Variants in SCD5 observed in about 807,000 individuals in gnomAD.
SCD5 encodes stearoyl-CoA desaturase 5.
A neutral mutation model predicts 30.4 loss-of-function variants in SCD5; 20 were observed. That is an observed-to-expected ratio of 0.66 (90% CI 0.46 to 0.96). SCD5 has a LOEUF of 0.96. Among genes scored for constraint, SCD5 ranks in the 40% least tolerant of loss-of-function variants. SCD5 has a pLI of 0.00. For missense variants in SCD5, 381 were observed against 443.3 expected (o/e 0.86, Z 1.26); for synonymous variants, 173 against 176.4 (o/e 0.98, Z 0.16).
chr4:82,742,078 CAAAA>C (rs11366931), intron 1 of SCD5, among the ~76,000 whole-genome samples: 2 of 92,396 alleles, frequency 2.2e-5, no homozygotes, highest in Non-Finnish European at 5.0e-5. Flanking sequence ...GAGTCCGTCT[CAAAA>C]AAAAAAAAAA....
intron 1 of SCD5, among the ~76,000 whole-genome samples, chr4:82,728,370 T>C (rs1424539796): frequency 6.6e-6 from 1 of 152,152 alleles, no homozygotes; most frequent in Non-Finnish European, 1.5e-5. Context: ...ATTGCCTTTG[T>C]AAAACTAGTG....
At chr4:82,675,938 A>C (rs1279167332) in intron 3 of SCD5, among the ~76,000 whole-genome samples, 1 of 152,226 alleles carries the variant, frequency 6.6e-6, no homozygotes, top group Non-Finnish European at 1.5e-5. Context: ...CTTCCTTAGA[A>C]ACAAAACCAA....
chr4:82,692,659 G>A (rs1876215), intron 2 of SCD5, among the ~76,000 whole-genome samples: 101,215 of 152,162 alleles, frequency 0.67, 34,232 homozygotes, highest in Middle Eastern at 0.74. Context: ...TGCCACAGTG[G>A]ATTTCACACT....
chr4:82,734,302 C>A (rs1397794483), intron 1 of SCD5, among the ~76,000 whole-genome samples: 1 of 152,138 alleles, frequency 6.6e-6, no homozygotes, highest in Non-Finnish European at 1.5e-5. Context: ...CCAAACCAAA[C>A]AAAACAATCC....
intron 1 of SCD5, among the ~76,000 whole-genome samples, chr4:82,766,197 C>T (rs777612842): frequency 4.6e-5 from 7 of 152,184 alleles, no homozygotes; most frequent in Non-Finnish European, 8.8e-5. Flanking sequence ...TTTCCCACCA[C>T]CATTCTGTGG....
intron 1 of SCD5, among the ~76,000 whole-genome samples, chr4:82,785,618 G>C (rs909320623): frequency 6.6e-6 from 1 of 152,112 alleles, no homozygotes; most frequent in African/African-American, 2.4e-5. Flanking sequence ...TTTTTCTCTT[G>C]CTAGTCTGTC....
At chr4:82,682,416 G>T (rs1437314100) in intron 2 of SCD5, among the ~76,000 whole-genome samples, 1 of 151,894 alleles carries the variant, frequency 6.6e-6, no homozygotes, top group Admixed American at 6.6e-5. Flanking sequence ...TAAATCTGAT[G>T]ATGCTTTCAA....
intron 3 of SCD5, among the ~76,000 whole-genome samples, chr4:82,670,979 T>C (rs1438653052): frequency 2.6e-5 from 4 of 152,124 alleles, no homozygotes; most frequent in Admixed American, 2.0e-4. Flanking sequence ...CAACTATATG[T>C]TGTCTACAAG....
chr4:82,651,701 G>T (rs1329644720), intron 3 of SCD5, among the ~76,000 whole-genome samples: 3 of 152,014 alleles, frequency 2.0e-5, no homozygotes, highest in East Asian at 3.9e-4. Flanking sequence ...ATCACCTGAG[G>T]TCCGGAGTTT....
chr4:82,642,531 TG>T (rs1727566343), intron 3 of SCD5, among the ~76,000 whole-genome samples: 1 of 152,236 alleles, frequency 6.6e-6, no homozygotes, highest in Non-Finnish European at 1.5e-5. Flanking sequence ...TCCCCAGCCC[TG>T]GCTGACTTGC....
intron 1 of SCD5, among the ~76,000 whole-genome samples, chr4:82,750,731 C>T (rs576879922): frequency 1.3e-5 from 2 of 152,042 alleles, no homozygotes; most frequent in South Asian, 2.1e-4. Context: ...TCTGACGAAA[C>T]GGTCTGCTAG....
chr4:82,683,566 G>A (rs1241381719), intron 2 of SCD5, among the ~76,000 whole-genome samples: 1 of 152,122 alleles, frequency 6.6e-6, no homozygotes, highest in Non-Finnish European at 1.5e-5. Context: ...TTGCAGGGAG[G>A]GATCTTTTAT....
At chr4:82,756,013 T>C (rs1036554897) in intron 1 of SCD5, among the ~76,000 whole-genome samples, 1 of 152,180 alleles carries the variant, frequency 6.6e-6, no homozygotes, top group African/African-American at 2.4e-5. Flanking sequence ...GAAAGCAGTA[T>C]AGTGATTTAG....
chr4:82,753,347 GC>G, intron 1 of SCD5: 1 of 533,006 alleles, frequency 1.9e-6, no homozygotes, highest in South Asian at 1.4e-5. Context: ...GAGTTGAGTG[GC>G]ACTGCTCCTG....
chr4:82,764,843 C>T, intron 1 of SCD5, among the ~76,000 whole-genome samples: 1 of 151,874 alleles, frequency 6.6e-6, no homozygotes, highest in East Asian at 1.9e-4. Flanking sequence ...TCTCCTGCCT[C>T]AGCCTCCCAA....
chr4:82,647,770 T>C (rs1032488946), intron 3 of SCD5, among the ~76,000 whole-genome samples: 3 of 152,258 alleles, frequency 2.0e-5, no homozygotes, highest in Non-Finnish European at 2.9e-5. Context: ...AAGATAATCA[T>C]TTTAAGTAGC....
intron 1 of SCD5, among the ~76,000 whole-genome samples, chr4:82,738,233 G>A (rs988730747): frequency 3.3e-5 from 5 of 152,142 alleles, no homozygotes; most frequent in African/African-American, 7.2e-5. Context: ...GACCATCCTG[G>A]CCAACATGGT....
rs145609449 is a variant in SCD5, at chr4:82,780,835, C to T, written c.232+17471G>A. Among the ~76,000 whole-genome samples the T allele has an allele frequency of 8.0e-3, 1,213 of 152,382 alleles. 11 individuals carry two copies. Among genetic ancestry groups the T allele is most frequent in the Middle Eastern group, 0.034 (10 of 294 alleles). ...GGAGGCCCCAGGGGGCCAGCCTGGA[C>T]GGCTGCTTCTCCGGGGCCTGCTGCT... On this transcript the variant is annotated intron_variant, in intron 1 of 4. Coordinates refer to ENST00000319540, the MANE Select transcript of SCD5 (RefSeq NM_001037582.3).
At chr4:82,680,267 G>T (rs1433256937) in intron 3 of SCD5, among the ~76,000 whole-genome samples, 3 of 152,184 alleles carry the variant, frequency 2.0e-5, no homozygotes, top group Non-Finnish European at 4.4e-5. Flanking sequence ...CAGGGCAGAG[G>T]TTTCACTACA....
Sources: gnomAD v4.1 joint callset for allele counts (sites outside exome capture counted in the v4.1 genomes callset) on GRCh38, gnomAD v4.1.1 for gene constraint, MANE v1.5 for transcripts, NCBI Gene and HGNC (gene_info 2026-07-23, HGNC 2026-07-21) for gene names.